The following USH2A variants were observed in gnomAD, a reference collection of about 807,000 sequenced individuals.
USH2A encodes the protein Usher syndrome 2A (autosomal recessive, mild).
In USH2A, 443 loss-of-function variants were observed where a neutral mutation model predicts 538.9. The ratio of observed to expected loss-of-function variants is 0.82; its 90% confidence interval spans 0.76 to 0.89. The LOEUF is 0.89. Among genes scored for constraint, USH2A ranks in the 40% least tolerant of loss-of-function variants. USH2A has a pLI of 0.00. For missense variants in USH2A, 6,633 were observed against 6,324.8 expected (o/e 1.05, Z -1.65); for synonymous variants, 2,413 against 2,273.5 (o/e 1.06, Z -1.75).
intron 64 of USH2A, among the ~76,000 whole-genome samples, chr1:215,668,890 C>T (rs1369373056): frequency 5.9e-5 from 9 of 152,124 alleles, no homozygotes; most frequent in Non-Finnish European, 1.2e-4. Flanking sequence ...AAAACATTAG[C>T]CTGGTGTGGT....
At chr1:216,238,732 C>T (rs1011529014) in intron 13 of USH2A, among the ~76,000 whole-genome samples, 4 of 152,142 alleles carry the variant, frequency 2.6e-5, no homozygotes, top group African/African-American at 9.7e-5. Context: ...ATGCACCTTC[C>T]TTAATAATGT....
chr1:216,323,275 TTTA>T (rs2037652869), intron 8 of USH2A, among the ~76,000 whole-genome samples, 196 bp downstream of exon 8: 1 of 84,184 alleles, frequency 1.2e-5, no homozygotes, highest in Non-Finnish European at 2.2e-5. Flanking sequence ...TAAAATACGT[TTTA>T]TATATATATA....
chr1:215,662,908 G>A (rs1020502873), intron 64 of USH2A, among the ~76,000 whole-genome samples: 12 of 152,142 alleles, frequency 7.9e-5, no homozygotes, highest in Admixed American at 7.9e-4. Flanking sequence ...TTCTCTAAAT[G>A]TGATATAGAA....
chr1:216,370,100 T>C (rs2038677482), intron 3 of USH2A, among the ~76,000 whole-genome samples: 4 of 152,146 alleles, frequency 2.6e-5, no homozygotes, highest in Non-Finnish European at 5.9e-5. Context: ...GGCGCGTGCC[T>C]GTAATCCCAG....
chr1:216,349,687 C>T lies in USH2A; in HGVS notation c.784+15266G>A, dbSNP rs78907642. On this transcript the variant is annotated intron_variant, in intron 4 of 71. Transcript: ENST00000307340. ...GGGATCCTCAATTCTGGGAATTGCC[C>T]ACCCCTTTCAGGGAAAACTAACAAA... 8.4e-3 allele frequency among the ~76,000 whole-genome samples: 1,273 copies of T among 152,224 alleles called. 8 individuals carry two copies. Among genetic ancestry groups the T allele is most frequent in the Middle Eastern group, 0.024 (7 of 294 alleles).
At chr1:216,045,990 T>C (rs2030500066) in intron 32 of USH2A, among the ~76,000 whole-genome samples, 1 of 148,168 alleles carries the variant, frequency 6.7e-6, no homozygotes, top group Non-Finnish European at 1.5e-5. Flanking sequence ...CAGATAACTA[T>C]AGACTCTATT....
rs879146423 is a variant in USH2A at position 215,758,886 on chromosome 1, A to G, written c.11232-134T>C. 16 of 931,220 alleles carry G rather than the reference A, an allele frequency of 1.7e-5. No homozygotes were observed. In the Admixed American group the frequency reaches 3.2e-4, roughly 19 times the overall value. 57.7% of individuals were successfully genotyped at this position (931,220 alleles called of 1,614,324 possible). ...CAAACTCTTTGCCCCCTTTCCAGAA[A>G]CTTGACTTGGTAGTTTTTCTTGCAC... On this transcript the variant is annotated intron_variant, in intron 57 of 71. Coordinates refer to ENST00000307340, the MANE Select transcript of USH2A (RefSeq NM_206933.4).
chr1:215,815,230 AGT>A (rs1349756812), intron 48 of USH2A, among the ~76,000 whole-genome samples: 2 of 152,240 alleles, frequency 1.3e-5, no homozygotes, highest in Admixed American at 6.5e-5. Flanking sequence ...ATCATTAAAT[AGT>A]GTGTCTCGTT....
At chr1:216,416,425 A>T (rs181802724) in intron 3 of USH2A, among the ~76,000 whole-genome samples, 1 of 152,258 alleles carries the variant, frequency 6.6e-6, no homozygotes, top group Admixed American at 6.6e-5. Flanking sequence ...TTTTAATATA[A>T]AATGCAGAAT....
chr1:216,207,541 C>G, intron 15 of USH2A, 110 bp from the exon 16 acceptor site: 3 of 1,333,802 alleles, frequency 2.2e-6, no homozygotes, highest in Non-Finnish European at 3.2e-6. Context: ...ATTGCTTTAT[C>G]AAGAAGACAT....
At chr1:216,219,217 G>A (rs529717317) in intron 14 of USH2A, among the ~76,000 whole-genome samples, 152 of 152,156 alleles carry the variant, frequency 1.0e-3, no homozygotes, top group African/African-American at 3.5e-3. Context: ...GCAATTAAAT[G>A]TGTCTATTCT....
chr1:215,758,469 T>A, intron 58 of USH2A, 126 bp downstream of exon 58: 1 of 1,203,552 alleles, frequency 8.3e-7, no homozygotes, highest in Non-Finnish European at 1.2e-6. Flanking sequence ...GATTTTTCTG[T>A]TCATATTTAT....
intron 21 of USH2A, among the ~76,000 whole-genome samples, chr1:216,107,197 C>A (rs142366353): frequency 1.3e-5 from 2 of 151,758 alleles, no homozygotes; most frequent in Admixed American, 1.3e-4. Flanking sequence ...AGATTTTTAT[C>A]AACTTCTTTT....
In USH2A at chr1:216,421,888, A is replaced by T. The variant is rs1553258037; in HGVS notation, c.449T>A (p.Leu150Ter). Residue 150 changes from leucine to a stop codon, truncating the protein, a stop_gained, in exon 2 of 72, where the codon TTA becomes TAA. Coordinates refer to ENST00000307340, the MANE Select transcript of USH2A (RefSeq NM_206933.4). LOFTEE classifies it high-confidence loss of function. ...TTGCTCAGGTTTCAGCCATACAGCT[A>T]AGGTAAATGATGCCATCAGCTTTGG... is the stretch of plus-strand genomic sequence containing the variant. Reference protein sequence around the residue: ...PSPKLMASFTLAVWLKPEQQG... With the variant: ...PSPKLMASFT The T allele has an allele frequency of 6.2e-7, 1 of 1,613,942 alleles. No individual in the cohort carries two copies. The highest frequency in any genetic ancestry group is 8.5e-7 in the Non-Finnish European group (1 of 1,179,884).
At chr1:216,339,182 A>T (rs2038028865) in intron 4 of USH2A, among the ~76,000 whole-genome samples, 1 of 151,636 alleles carries the variant, frequency 6.6e-6, no homozygotes, top group African/African-American at 2.4e-5. Context: ...AGAAACTAAA[A>T]TGAATGAACA....
chr1:215,940,685 C>A (rs1002197376), intron 37 of USH2A, among the ~76,000 whole-genome samples: 2 of 152,038 alleles, frequency 1.3e-5, no homozygotes, highest in African/African-American at 4.8e-5. Flanking sequence ...GCCTATGAAC[C>A]ACTAAGACCT....
chr1:215,843,844 G>T (rs771997395), intron 46 of USH2A, among the ~76,000 whole-genome samples: 1 of 152,022 alleles, frequency 6.6e-6, no homozygotes, highest in Non-Finnish European at 1.5e-5. Flanking sequence ...AGTCCATTGC[G>T]CTTACAAAAG....
intron 13 of USH2A, among the ~76,000 whole-genome samples, chr1:216,233,630 CA>C (rs898635752): frequency 1.3e-5 from 2 of 151,722 alleles, no homozygotes; most frequent in African/African-American, 2.4e-5. Flanking sequence ...AGTACACACA[CA>C]AAAAAAGCCT....
chr1:215,866,258 C>G (rs1664465680), intron 44 of USH2A, among the ~76,000 whole-genome samples: 1 of 152,228 alleles, frequency 6.6e-6, no homozygotes, highest in South Asian at 2.1e-4. Context: ...CACAAATTAA[C>G]AGATCACAAC....
Sources: gnomAD v4.1 joint callset for allele counts (sites outside exome capture counted in the v4.1 genomes callset) on GRCh38, gnomAD v4.1.1 for gene constraint, MANE v1.5 for transcripts, NCBI Gene and HGNC (gene_info 2026-07-23, HGNC 2026-07-21) for gene names.